NRG1: variants seen among roughly 807,000 people sequenced by gnomAD.
NRG1 encodes the protein neuregulin 1.
Under a neutral mutation model 63.8 loss-of-function variants are expected in NRG1, and 18 were observed. The observed-to-expected ratio is 0.28, with a 90% CI of 0.19 to 0.42. NRG1 has a LOEUF of 0.42. NRG1 is among the 10% of genes least tolerant of loss of function. NRG1 has a pLI of 1.00. For synonymous variants in NRG1, 302 were observed against 301.3 expected (o/e 1.00, Z -0.02); for missense variants, 762 against 814.7 (o/e 0.94, Z 0.79).
Position 32,307,589 on chromosome 8 carries a change from T to TGTGTG in NRG1, c.38-288239_38-288238insGTGTG, listed in dbSNP as rs1563296243. On this transcript the variant is annotated intron_variant, in intron 1 of 10. Transcript: ENST00000519301. ...AATGGCTCTATGGTCACCCAGGGGTTTGTGTGTGTGTGTGTGTGTGTGTGT... is the reference window on the plus strand; with the variant it reads ...AATGGCTCTATGGTCACCCAGGGGTTGTGTGTGTGTGTGTGTGTGTGTGTGTGTGT... Among the ~76,000 whole-genome samples the TGTGTG allele has an allele frequency of 6.8e-3, 633 of 93,536 alleles. 6 individuals are homozygous for TGTGTG. Among genetic ancestry groups the TGTGTG allele is most frequent in the Middle Eastern group, 0.02 (4 of 200 alleles). 61.4% of individuals were successfully genotyped at this position (93,536 alleles called of 152,430 possible).
At chr8:32,173,603 G>A (rs534996985) in intron 1 of NRG1, among the ~76,000 whole-genome samples, 16 of 152,170 alleles carry the variant, frequency 1.1e-4, no homozygotes, top group East Asian at 1.9e-4. Flanking sequence ...CCCATCTCAC[G>A]TGCAGAGACA....
intron 6 of NRG1, chr8:32,728,703 G>A: frequency 2.1e-6 from 2 of 955,582 alleles, no homozygotes; most frequent in Non-Finnish European, 1.2e-6. Context: ...TCTTTCATTT[G>A]TCTATAGATA....
At chr8:32,566,136 C>T (rs1837392530) in intron 1 of NRG1, among the ~76,000 whole-genome samples, 1 of 152,004 alleles carries the variant, frequency 6.6e-6, no homozygotes, top group South Asian at 2.1e-4. Context: ...ACGGGTGGAT[C>T]ACCTGAGGTC....
At chr8:31,772,662 G>T (rs1443798111) in intron 1 of NRG1, among the ~76,000 whole-genome samples, 2 of 152,118 alleles carry the variant, frequency 1.3e-5, no homozygotes, top group Non-Finnish European at 2.9e-5. Flanking sequence ...TACTGGATTT[G>T]CTTCTCACTC....
intron 1 of NRG1, among the ~76,000 whole-genome samples, chr8:32,419,509 C>G (rs893491958): frequency 1.3e-5 from 2 of 152,176 alleles, no homozygotes; most frequent in African/African-American, 2.4e-5. Context: ...AGACCCCAAT[C>G]AATGTGCCCT....
chr8:31,852,293 T>C (rs544817541), intron 1 of NRG1, among the ~76,000 whole-genome samples: 2 of 150,454 alleles, frequency 1.3e-5, no homozygotes, highest in South Asian at 4.2e-4. Context: ...TTTTTAATGA[T>C]TGCCATTCTA....
At chr8:32,098,588 T>C (rs1226338971) in intron 1 of NRG1, 3 of 152,220 alleles carry the variant, frequency 2.0e-5, no homozygotes, top group Non-Finnish European at 4.4e-5. Context: ...TACTTTAATT[T>C]AGTGCCAGGG....
chr8:32,528,843 T>C (rs991953474), intron 1 of NRG1, among the ~76,000 whole-genome samples: 11 of 152,230 alleles, frequency 7.2e-5, no homozygotes, highest in African/African-American at 2.7e-4. Context: ...GAGATCTTTA[T>C]TGTGGAGAAT....
intron 1 of NRG1, among the ~76,000 whole-genome samples, chr8:32,570,752 G>A (rs984279752): frequency 1.3e-5 from 2 of 152,130 alleles, no homozygotes. Flanking sequence ...AAGATAAAGT[G>A]TCACATACAT....
chr8:31,943,425 G>A (rs1036805327), intron 1 of NRG1, among the ~76,000 whole-genome samples: 2 of 151,996 alleles, frequency 1.3e-5, no homozygotes, highest in African/African-American at 2.4e-5. Context: ...ATATTCACTG[G>A]GTACAGTGTA....
intron 1 of NRG1, among the ~76,000 whole-genome samples, chr8:31,732,091 GT>G (rs1266233193): frequency 1.3e-5 from 2 of 152,022 alleles, no homozygotes; most frequent in Admixed American, 1.3e-4. Flanking sequence ...GGAGTTGAAA[GT>G]TTTTTTCCAT....
chr8:32,711,839 T>C (rs1373303978), intron 5 of NRG1, among the ~76,000 whole-genome samples: 1 of 152,144 alleles, frequency 6.6e-6, no homozygotes, highest in Non-Finnish European at 1.5e-5. Flanking sequence ...TCAGCTGTAT[T>C]GAAATATAGT....
At chr8:32,336,730 C>T (rs1276880181) in intron 1 of NRG1, among the ~76,000 whole-genome samples, 1 of 152,142 alleles carries the variant, frequency 6.6e-6, no homozygotes, top group East Asian at 1.9e-4. Context: ...CTGCTGCAGC[C>T]TCCTGAGTAG....
intron 1 of NRG1, among the ~76,000 whole-genome samples, chr8:32,284,314 T>A (rs1853236650): frequency 6.6e-6 from 1 of 152,148 alleles, no homozygotes; most frequent in South Asian, 2.1e-4. Context: ...TAATTTTCCA[T>A]CCACTGACCC....
intron 1 of NRG1, among the ~76,000 whole-genome samples, chr8:31,852,737 C>T (rs1475323665): frequency 1.3e-5 from 2 of 152,160 alleles, no homozygotes; most frequent in Admixed American, 6.5e-5. Flanking sequence ...GTTTTCATGG[C>T]TTTAGGTCTA....
At chr8:32,713,612 A>T (rs9656757) in intron 5 of NRG1, among the ~76,000 whole-genome samples, 13,713 of 133,552 alleles carry the variant, frequency 0.1, 656 homozygotes, top group African/African-American at 0.13. Context: ...GAGTAAGTTT[A>T]AAAAAAAAAA....
At chr8:31,987,317 T>C (rs1226921300) in intron 1 of NRG1, among the ~76,000 whole-genome samples, 2 of 110,380 alleles carry the variant, frequency 1.8e-5, no homozygotes, top group African/African-American at 7.5e-5. Flanking sequence ...AAAAAACATA[T>C]ATATGTGTGT....
chr8:32,327,296 C>T (rs1460174186), intron 1 of NRG1, among the ~76,000 whole-genome samples: 2 of 152,188 alleles, frequency 1.3e-5, no homozygotes, highest in African/African-American at 4.8e-5. Context: ...CAGATGCTGT[C>T]GTGACAGGGT....
At chr8:31,710,968 C>T (rs911450426) in intron 1 of NRG1, among the ~76,000 whole-genome samples, 2 of 152,070 alleles carry the variant, frequency 1.3e-5, no homozygotes, top group African/African-American at 2.4e-5. Context: ...GTGAAGGTGA[C>T]ATATTTATTC....
Sources: gnomAD v4.1 joint callset for allele counts (sites outside exome capture counted in the v4.1 genomes callset) on GRCh38, gnomAD v4.1.1 for gene constraint, MANE v1.5 for transcripts, NCBI Gene and HGNC (gene_info 2026-07-23, HGNC 2026-07-21) for gene names.